PASD1: variants seen among roughly 807,000 people sequenced by gnomAD.
PASD1 encodes PAS domain containing repressor 1.
PASD1 carries 13 observed loss-of-function variants against 58.8 expected under a neutral mutation model. The observed-to-expected ratio is 0.22, with a 90% confidence interval of 0.14 to 0.35. The LOEUF (loss-of-function observed/expected upper bound fraction) is 0.35, where lower values mean the gene tolerates loss of function less well. Ranked by LOEUF, PASD1 falls within the 10% of genes least tolerant of loss-of-function variation. The pLI, the probability that PASD1 is intolerant of heterozygous loss-of-function variation, is 1.00. For synonymous variants in PASD1, 236 were observed against 216.7 expected, an observed-to-expected ratio of 1.09 and a Z score of -0.78; for missense variants, 734 against 568.3, an observed-to-expected ratio of 1.29 and a Z score of -2.96.
At chrX:151,672,930 G>T (rs2014497945) in intron 14 of PASD1, 1 of 335,423 alleles carries the variant, frequency 3.0e-6, no homozygotes, top group Non-Finnish European at 5.0e-6. Context: ...TAGGGAATTA[G>T]CCCACAAACC....
At position 151,659,735 on chromosome X, in the gene PASD1, T is replaced by C. The variant is rs761107475; in HGVS notation, c.740T>C (p.Val247Ala). ...CAGGACCAAATTGATATTGCAGAGGTTGAGCAGTATGGACCACAAGAAAAC... is the reference window on the plus strand; with the variant it reads ...CAGGACCAAATTGATATTGCAGAGGCTGAGCAGTATGGACCACAAGAAAAC... ...ISDDQIDIAEVEQYGPQENVH... is the reference protein window; with the variant it reads ...ISDDQIDIAEAEQYGPQENVH... The change falls in exon 10 of 16, where the codon GTT (valine) becomes GCT (alanine). Residue 247 changes from valine to alanine, a missense_variant. Val to Ala is a moderately conservative substitution (Grantham distance 64). Coordinates refer to ENST00000370357, the MANE Select transcript of PASD1 (RefSeq NM_173493.3). 6.7e-6 allele frequency: 8 copies of C among 1,200,592 alleles called. No homozygotes were observed. Among genetic ancestry groups the C allele is most frequent in the Non-Finnish European group, 7.9e-6 (7 of 887,120 alleles).
At chrX:151,593,282 C>T (rs1379070649) in intron 1 of PASD1, among the ~76,000 whole-genome samples, 2 of 109,687 alleles carry the variant, frequency 1.8e-5, no homozygotes, top group East Asian at 5.7e-4. Flanking sequence ...TTCTAGGGTA[C>T]ATGTGCACAA....
chrX:151,569,235 C>T (rs1337680334), intron 1 of PASD1, among the ~76,000 whole-genome samples: 1 of 111,637 alleles, frequency 9.0e-6, no homozygotes, highest in Non-Finnish European at 1.9e-5. Context: ...GTGGCAGTTT[C>T]ACTCTCCTCC....
Position 151,648,683 on chromosome X carries a change from C to T in PASD1, c.698C>T (p.Ala233Val), listed in dbSNP as rs370897263. ...TACGTTGAACCCGCTGCTGCTGCTG[C>T]TGCTGCTGCTATCTCAGACGTATGT... ...AVYVEPAAAA[A>V]AAAISDDQID... The change falls in exon 9 of 16, where the codon GCT becomes GTT. Residue 233 changes from alanine to valine, a missense_variant. Ala to Val is a moderately conservative substitution (Grantham distance 64). Transcript: ENST00000370357. The T allele has an allele frequency of 1.7e-6, 2 of 1,211,343 alleles. No individual in the cohort carries two copies. The highest frequency in any genetic ancestry group is 2.2e-6 in the Non-Finnish European group (2 of 895,345).
chrX:151,640,204 G>A (rs758712808), intron 8 of PASD1, among the ~76,000 whole-genome samples: 15 of 111,522 alleles, frequency 1.3e-4, no homozygotes, highest in African/African-American at 1.6e-4. Flanking sequence ...TAGTCCAGGC[G>A]CTCTGAAGTT....
chrX:151,590,469 T>G (rs1187800657), intron 1 of PASD1, among the ~76,000 whole-genome samples: 1 of 112,161 alleles, frequency 8.9e-6, no homozygotes, highest in African/African-American at 3.2e-5. Flanking sequence ...AATTTGGCAT[T>G]GTAAAGTAGT....
At chrX:151,653,868 C>CTCCCTCCCTCTTTCTT (rs1556202852) in intron 9 of PASD1, among the ~76,000 whole-genome samples, 1 of 16,463 alleles carries the variant, frequency 6.1e-5, no homozygotes, top group Non-Finnish European at 1.1e-4. Flanking sequence ...CCCTCCCTCC[C>CTCCCTCCCTCTTTCTT]TCTTTCTTTC....
At chrX:151,626,119 A>G (rs1446841576) in intron 8 of PASD1, among the ~76,000 whole-genome samples, 1 of 112,182 alleles carries the variant, frequency 8.9e-6, no homozygotes, top group Non-Finnish European at 1.9e-5. Flanking sequence ...TGACCCAGGC[A>G]TGTAATGACT....
At chrX:151,634,690 C>T (rs1306493569) in intron 8 of PASD1, among the ~76,000 whole-genome samples, 2 of 111,486 alleles carry the variant, frequency 1.8e-5, no homozygotes, top group Non-Finnish European at 3.8e-5. Flanking sequence ...AGTCAAGTTA[C>T]GCATTTTTAT....
chrX:151,591,752 T>C (rs1276410798), intron 1 of PASD1, among the ~76,000 whole-genome samples: 1 of 111,455 alleles, frequency 9.0e-6, no homozygotes, highest in Non-Finnish European at 1.9e-5. Flanking sequence ...CAGGTGTTTA[T>C]CTGTGGATTT....
intron 8 of PASD1, among the ~76,000 whole-genome samples, chrX:151,645,986 C>T (rs767169791): frequency 9.0e-6 from 1 of 110,620 alleles, no homozygotes; most frequent in South Asian, 3.9e-4. Flanking sequence ...TCACAGCTCA[C>T]TGCAGCCTTG....
chrX:151,582,336 G>A (rs1243184973), intron 1 of PASD1, among the ~76,000 whole-genome samples: 1 of 110,353 alleles, frequency 9.1e-6, no homozygotes, highest in Non-Finnish European at 1.9e-5. Context: ...GGAGTACAGT[G>A]AGTGGCACAA....
intron 1 of PASD1, among the ~76,000 whole-genome samples, chrX:151,593,527 G>T (rs941277620): frequency 9.1e-6 from 1 of 109,620 alleles, no homozygotes; most frequent in African/African-American, 3.3e-5. Context: ...AGTTTGCTGG[G>T]AATGATGGTT....
chrX:151,577,693 T>G (rs2013029135), intron 1 of PASD1, among the ~76,000 whole-genome samples: 1 of 110,938 alleles, frequency 9.0e-6, no homozygotes, highest in Non-Finnish European at 1.9e-5. Flanking sequence ...CCCAGCAAAT[T>G]TTTTTTGTAT....
At chrX:151,641,851 C>T (rs1056015310) in intron 8 of PASD1, among the ~76,000 whole-genome samples, 5 of 111,277 alleles carry the variant, frequency 4.5e-5, no homozygotes, top group East Asian at 2.8e-4. Context: ...CGCGCGCGCG[C>T]GTATACCAGA....
At chrX:151,584,460 A>G (rs1247811702) in intron 1 of PASD1, among the ~76,000 whole-genome samples, 1 of 112,102 alleles carries the variant, frequency 8.9e-6, no homozygotes, top group African/African-American at 3.2e-5. Flanking sequence ...TGTACATTTG[A>G]GTAGCAGACT....
intron 4 of PASD1, among the ~76,000 whole-genome samples, chrX:151,613,747 G>T (rs752848765): frequency 8.9e-6 from 1 of 111,913 alleles, no homozygotes; most frequent in East Asian, 2.8e-4. Flanking sequence ...AAGCTCATCA[G>T]AGAAGATGTT....
Position 151,673,924 on chromosome X carries a change from AC to A in PASD1, c.1917-3del, listed in dbSNP as rs2014510107. On this transcript the variant is annotated splice_region_variant and splice_polypyrimidine_tract_variant and intron_variant, in intron 14 of 15. Coordinates refer to ENST00000370357, the MANE Select transcript of PASD1 (RefSeq NM_173493.3). The stretch of plus-strand genomic sequence containing the variant: ...ATCACTGCAACAGCTTTCTTCTCTT[AC>A]AGTTTTTATCCTGAGGCGTATCAAG... The A allele has an allele frequency of 3.3e-6, 4 of 1,211,050 alleles. No homozygotes were observed. The highest frequency in any genetic ancestry group is 1.8e-5 in the South Asian group (1 of 56,902).
At chrX:151,574,590 C>T (rs2012973527) in intron 1 of PASD1, among the ~76,000 whole-genome samples, 1 of 111,913 alleles carries the variant, frequency 8.9e-6, no homozygotes, top group Non-Finnish European at 1.9e-5. Flanking sequence ...CCAGGTTACA[C>T]TTAACCTTTA....
Sources: gnomAD v4.1 joint callset for allele counts (sites outside exome capture counted in the v4.1 genomes callset) on GRCh38, gnomAD v4.1.1 for gene constraint, MANE v1.5 for transcripts, NCBI Gene and HGNC (gene_info 2026-07-23, HGNC 2026-07-21) for gene names.